P2RX7: variants seen among roughly 807,000 people sequenced by gnomAD.
P2RX7 encodes the protein P2X purinoceptor 7.
In P2RX7, 62 loss-of-function variants were observed where a neutral mutation model predicts 71.6. The observed-to-expected ratio is 0.87, with a 90% confidence interval of 0.71 to 1.07. The LOEUF (loss-of-function observed/expected upper bound fraction) is 1.07, where lower values mean the gene tolerates loss of function less well. Among genes scored for constraint, P2RX7 ranks in the 50% least tolerant of loss-of-function variants. The probability of loss-of-function intolerance (pLI) is 0.00; values close to 1 mark genes in which losing one functional copy is unlikely to be tolerated. For synonymous variants in P2RX7, 299 were observed against 283.3 expected (o/e 1.06, Z -0.56); for missense variants, 686 against 748.5 (o/e 0.92, Z 0.97).
intron 5 of P2RX7, among the ~76,000 whole-genome samples, chr12:121,162,739 T>C (rs998662069): frequency 3.9e-5 from 6 of 152,130 alleles, no homozygotes; most frequent in Admixed American, 3.9e-4. Flanking sequence ...CTGTACCAAC[T>C]GGTAAATAGC....
intron 11 of P2RX7, among the ~76,000 whole-genome samples, chr12:121,178,010 G>A (rs1430239199): frequency 6.6e-6 from 1 of 152,100 alleles, no homozygotes; most frequent in Non-Finnish European, 1.5e-5. Flanking sequence ...GAGCCACTGA[G>A]CCCAGCCTGT....
rs758696968 is a variant in P2RX7 at position 121,180,342 on chromosome 12, A to T, written c.1189-12A>T. ...ACAAAAATGGGTAAACTTTCAAACC[A>T]TCTTTTCCTAGACATTAAAGTATGT... On this transcript the variant is annotated splice_polypyrimidine_tract_variant and intron_variant, in intron 11 of 12. Coordinates refer to ENST00000328963, the MANE Select transcript of P2RX7 (RefSeq NM_002562.6). 2.0e-6 allele frequency: 3 copies of T among 1,497,900 alleles called. No homozygotes were observed. The highest frequency in any genetic ancestry group is 2.8e-5 in the African/African-American group (2 of 71,226). The allele number at this position is 1,497,900 out of a possible 1,614,324, so 92.8% of individuals were successfully genotyped here.
chr12:121,149,878 C>T lies in P2RX7; in HGVS notation c.126-4907C>T, dbSNP rs995626180. On this transcript the variant is annotated intron_variant, in intron 1 of 12. Transcript: ENST00000328963. This position sits in a 1 kb window ranked among gnomAD's most constrained non-coding sequence, Gnocchi z 4.7. ...CACCACCACACCCCCACAACTTACC[C>T]ATCCTCCCCGGCTCAGTGAAATCCC... Among the ~76,000 whole-genome samples the T allele has an allele frequency of 6.6e-6, 1 of 152,164 alleles. No individual in the cohort carries two copies. The highest frequency in any genetic ancestry group is 1.5e-5 in the Non-Finnish European group (1 of 68,034).
At chr12:121,157,376 C>A (rs751982836) in intron 3 of P2RX7, among the ~76,000 whole-genome samples, 2 of 152,186 alleles carry the variant, frequency 1.3e-5, no homozygotes, top group Admixed American at 6.5e-5. Flanking sequence ...AATTCAGAAC[C>A]AAGATAACAT....
At chr12:121,165,120 T>TA (rs1386563165) in intron 5 of P2RX7, among the ~76,000 whole-genome samples, 1 of 152,112 alleles carries the variant, frequency 6.6e-6, no homozygotes, top group African/African-American at 2.4e-5. Flanking sequence ...GAGATTTGGG[T>TA]GGGGACACAG....
At chr12:121,143,108 C>T (rs1412700276) in intron 1 of P2RX7, among the ~76,000 whole-genome samples, 5 of 146,314 alleles carry the variant, frequency 3.4e-5, no homozygotes, top group East Asian at 2.0e-4. Flanking sequence ...TGACTGGGCA[C>T]GGTGGCTCAC....
intron 5 of P2RX7, among the ~76,000 whole-genome samples, chr12:121,163,915 G>A (rs897923762): frequency 2.0e-5 from 3 of 152,180 alleles, no homozygotes; most frequent in East Asian, 3.8e-4. Context: ...AGGCTCAGGC[G>A]AAGGTTTCCC....
chr12:121,145,215 G>A (rs914819698), intron 1 of P2RX7, among the ~76,000 whole-genome samples: 4 of 152,166 alleles, frequency 2.6e-5, no homozygotes, highest in Non-Finnish European at 5.9e-5. Flanking sequence ...ATTCTGAGGA[G>A]TAGCCACGGC....
intron 1 of P2RX7, among the ~76,000 whole-genome samples, chr12:121,142,092 T>G (rs1875008852): frequency 6.6e-6 from 1 of 152,142 alleles, no homozygotes; most frequent in Non-Finnish European, 1.5e-5. Flanking sequence ...AGGGCCCCAC[T>G]CTGTCCCTCT....
At position 121,154,908 on chromosome 12, in the gene P2RX7, G is replaced by A. The variant is rs771374027; in HGVS notation, c.249G>A (p.Leu83=). ...TCGTGGAGAATGGAGTGAAGAAGTT[G>A]GTGCACAGTGTCTTTGACACCGCAG... ...EEIVENGVKK[L]VHSVFDTADY... The change falls in exon 2 of 13, where the codon TTG becomes TTA. Residue 83 remains leucine, a synonymous_variant. Transcript: ENST00000328963. This position sits in a 1 kb window ranked among gnomAD's most constrained non-coding sequence, Gnocchi z 4.2. The A allele has an allele frequency of 6.2e-7, 1 of 1,613,114 alleles. No homozygotes were observed. Among genetic ancestry groups the A allele is most frequent in the Non-Finnish European group, 8.5e-7 (1 of 1,179,570 alleles).
intron 1 of P2RX7, among the ~76,000 whole-genome samples, chr12:121,142,906 T>C (rs1875280962): frequency 6.6e-6 from 1 of 151,672 alleles, no homozygotes; most frequent in South Asian, 2.1e-4. Context: ...CTGGCCAGCA[T>C]GGTGAAACCC....
At chr12:121,177,877 C>T (rs1656433300) in intron 11 of P2RX7, among the ~76,000 whole-genome samples, 1 of 152,000 alleles carries the variant, frequency 6.6e-6, no homozygotes, top group Non-Finnish European at 1.5e-5. Flanking sequence ...CACCACCACA[C>T]CTGGCTAATT....
chr12:121,157,015 T>G (rs1878715485), intron 3 of P2RX7, among the ~76,000 whole-genome samples: 1 of 152,112 alleles, frequency 6.6e-6, no homozygotes, highest in Non-Finnish European at 1.5e-5. Flanking sequence ...AAAAACTGTA[T>G]TTGTCCTATT....
chr12:121,141,161 C>A (rs1348156421), intron 1 of P2RX7, among the ~76,000 whole-genome samples: 1 of 152,216 alleles, frequency 6.6e-6, no homozygotes, highest in Non-Finnish European at 1.5e-5. Flanking sequence ...TATCCGCATC[C>A]TTTTTTTCAT....
chr12:121,160,449 C>A (rs940601699), intron 3 of P2RX7, among the ~76,000 whole-genome samples: 4 of 152,142 alleles, frequency 2.6e-5, no homozygotes, highest in African/African-American at 9.7e-5. Context: ...GGCGCCCAGC[C>A]CCCAGAACAT....
chr12:121,146,868 C>T (rs1237502800), intron 1 of P2RX7, among the ~76,000 whole-genome samples: 2 of 152,146 alleles, frequency 1.3e-5, no homozygotes, highest in African/African-American at 2.4e-5. Flanking sequence ...CCGCTTTCAC[C>T]GCTGCTGTTC....
In P2RX7 at chr12:121,184,661, C is replaced by G; in HGVS notation, c.1647C>G (p.Ala549=). The G allele has an allele frequency of 6.3e-7, 1 of 1,592,964 alleles. No individual in the cohort carries two copies. Among genetic ancestry groups the G allele is most frequent in the Non-Finnish European group, 8.5e-7 (1 of 1,170,212 alleles). The part of the protein sequence containing the change: ...DSTNSRLRHC[A]YRCYATWRFG... ...CCAACAGCCGGCTGCGGCACTGTGC[C>G]TACAGGTGCTACGCCACCTGGCGCT... The change falls in exon 13 of 13, where the codon GCC becomes GCG. Residue 549 remains alanine, a synonymous_variant. Coordinates refer to ENST00000328963, the MANE Select transcript of P2RX7 (RefSeq NM_002562.6).
At chr12:121,177,526 C>T (rs1883364238) in intron 11 of P2RX7, 80 bp downstream of exon 11, 1 of 1,350,566 alleles carries the variant, frequency 7.4e-7, no homozygotes, top group Admixed American at 1.7e-5. Flanking sequence ...AAATTAGGCC[C>T]AAATCACAGG....
intron 5 of P2RX7, among the ~76,000 whole-genome samples, chr12:121,163,617 A>G (rs866250324): frequency 8.0e-5 from 6 of 74,548 alleles, no homozygotes; most frequent in South Asian, 2.6e-4. Flanking sequence ...AGATAGATAG[A>G]TAGATAGATA....
Sources: allele counts gnomAD v4.1 joint callset (sites outside exome capture counted in the v4.1 genomes callset), GRCh38; gene constraint gnomAD v4.1.1; non-coding constraint Gnocchi (gnomAD v3.1); transcripts MANE v1.5; gene names NCBI Gene and HGNC (gene_info 2026-07-23, HGNC 2026-07-21).